SNAPC2: variants seen among roughly 807,000 people sequenced by gnomAD.
SNAPC2 encodes the protein snRNA-activating protein complex subunit 2.
A neutral mutation model predicts 22.9 loss-of-function variants in SNAPC2; 27 were observed. The ratio of observed to expected loss-of-function variants is 1.18; its 90% CI spans 0.87 to 1.63. The LOEUF (loss-of-function observed/expected upper bound fraction) is 1.63, where lower values mean the gene tolerates loss of function less well. SNAPC2 is among the 40% of genes most tolerant of loss of function. The pLI is 0.00. For synonymous variants in SNAPC2, 272 were observed against 201.0 expected, an observed-to-expected ratio of 1.35 and a Z score of -2.99; for missense variants, 570 against 449.1, an observed-to-expected ratio of 1.27 and a Z score of -2.43.
At chr19:7,921,397 C>G (rs1426621263) in intron 1 of SNAPC2, 26 bp from the exon 2 acceptor site, 1 of 1,613,730 alleles carries the variant, frequency 6.2e-7, no homozygotes, top group Non-Finnish European at 8.5e-7. Context: ...ATAGAAGCCT[C>G]ATTCCGCCGC....
chr19:7,920,958 GA>G, intron 1 of SNAPC2: 1 of 1,111,688 alleles, frequency 9.0e-7, no homozygotes, highest in Non-Finnish European at 1.1e-6. Context: ...TAAGGCGTGG[GA>G]GGGGCGTGGG....
Position 7,921,701 on chromosome 19 carries a change from T to A in SNAPC2, c.304-4T>A. The A allele has an allele frequency of 6.2e-7, 1 of 1,613,574 alleles. No individual in the cohort carries two copies. Among genetic ancestry groups the A allele is most frequent in the South Asian group, 1.1e-5 (1 of 90,950 alleles). On this transcript the variant is annotated splice_polypyrimidine_tract_variant and splice_region_variant and intron_variant, in intron 2 of 4. Transcript: ENST00000221573. ...GCTGACCCTGTACCTCTGGCTTCACTCAGGTCTGGACGGATCTGGCTGAGA... is the reference window on the plus strand; with the variant it reads ...GCTGACCCTGTACCTCTGGCTTCACACAGGTCTGGACGGATCTGGCTGAGA...
rs779844871 is a variant in SNAPC2, at chr19:7,922,477, C to T, written c.718C>T (p.Leu240Phe). ...SAVVLDLLMS[L>F]PEELPLLPCT... Reference sequence around the variant, plus strand: ...TGTGGTCCTCGACCTGCTCATGTCACTTCCAGAGGAGCTGCCACTCCTGCC... The same window carrying T: ...TGTGGTCCTCGACCTGCTCATGTCATTTCCAGAGGAGCTGCCACTCCTGCC... Residue 240 changes from leucine to phenylalanine, a missense_variant, in exon 5 of 5, where the codon CTT (leucine) becomes TTT (phenylalanine). Coordinates refer to ENST00000221573, the MANE Select transcript of SNAPC2 (RefSeq NM_003083.4). 5.0e-6 allele frequency: 8 copies of T among 1,599,942 alleles called. No homozygotes were observed. The South Asian group carries it at 6.7e-5, about 13-fold the overall frequency.
At chr19:7,921,154 G>A in intron 1 of SNAPC2, 1 of 1,384,506 alleles carries the variant, frequency 7.2e-7, no homozygotes, top group Non-Finnish European at 9.3e-7. Flanking sequence ...ACGAAGAAGG[G>A]AGTTGAACGG....
intron 1 of SNAPC2, 100 bp downstream of exon 1, chr19:7,920,649 G>A (rs940777767): frequency 4.3e-6 from 3 of 702,010 alleles, no homozygotes; most frequent in African/African-American, 3.9e-5. Flanking sequence ...GGCGGGGCCA[G>A]GAATGTAAGC....
chr19:7,921,685 G>GT lies in SNAPC2; in HGVS notation c.304-19dup. The GT allele has an allele frequency of 6.2e-7, 1 of 1,613,248 alleles. No individual in the cohort carries two copies. The highest frequency in any genetic ancestry group is 1.1e-5 in the South Asian group (1 of 90,890). On this transcript the variant is annotated intron_variant, in intron 2 of 4. Coordinates refer to ENST00000221573, the MANE Select transcript of SNAPC2 (RefSeq NM_003083.4). Reference sequence around the variant, plus strand: ...GCAGGCTGATCCCTGGGCTGACCCTGTACCTCTGGCTTCACTCAGGTCTGG... The same window carrying GT: ...GCAGGCTGATCCCTGGGCTGACCCTGTTACCTCTGGCTTCACTCAGGTCTGG...
chr19:7,921,053 G>A (rs889065178), intron 1 of SNAPC2: 1 of 1,178,764 alleles, frequency 8.5e-7, no homozygotes, highest in East Asian at 5.4e-5. Context: ...GGAATGAACT[G>A]GGAGTAAGAT....
At position 7,922,114 on chromosome 19, in the gene SNAPC2, C is replaced by T. The variant is rs145914511; in HGVS notation, c.452C>T (p.Pro151Leu). The T allele has an allele frequency of 3.4e-5, 55 of 1,613,930 alleles. No homozygotes were observed. In the Middle Eastern group the frequency reaches 4.9e-4, roughly 14 times the overall value. The change falls in exon 4 of 5, where the codon CCT becomes CTT. Residue 151 changes from proline (P) to leucine (L), a missense_variant. Transcript: ENST00000221573. ...PPKPTQARGKPLLLSAPGGQE... is the reference protein window; with the variant it reads ...PPKPTQARGKLLLLSAPGGQE... ...AAGCCCACGCAGGCCCGTGGAAAGC[C>T]TTTGCTCCTGAGCGCCCCTGGAGGA...
rs2303698 is a variant in SNAPC2 at position 7,921,712 on chromosome 19, C to T, written c.311C>T (p.Thr104Met). Reference protein sequence around the residue: ...AQPPAPIEVWTDLAEKITGPL... With the variant: ...AQPPAPIEVWMDLAEKITGPL... ...ACCTCTGGCTTCACTCAGGTCTGGA[C>T]GGATCTGGCTGAGAAGATAACAGGG... is the stretch of plus-strand genomic sequence containing the variant. The change falls in exon 3 of 5, where the codon ACG becomes ATG. Residue 104 changes from threonine (T) to methionine (M), a missense_variant. Thr to Met is a moderately conservative substitution (Grantham distance 81). Transcript: ENST00000221573. 12 of 1,613,656 alleles carry T rather than the reference C, an allele frequency of 7.4e-6. No individual in the cohort carries two copies. In the East Asian group the frequency reaches 1.3e-4, roughly 18 times the overall value.
chr19:7,921,396 T>G (rs772865347), intron 1 of SNAPC2, 27 bp from the exon 2 acceptor site: 51 of 1,613,538 alleles, frequency 3.2e-5, no homozygotes, highest in Non-Finnish European at 4.2e-5. Flanking sequence ...CATAGAAGCC[T>G]CATTCCGCCG....
intron 2 of SNAPC2, 35 bp downstream of exon 2, chr19:7,921,577 C>T (rs1983573177): frequency 6.2e-7 from 1 of 1,604,662 alleles, no homozygotes; most frequent in African/African-American, 1.3e-5. Context: ...CTGTCCAGGG[C>T]AGGTCCCTGG....
intron 2 of SNAPC2, 25 bp from the exon 3 acceptor site, chr19:7,921,680 A>G (rs1983577189): frequency 6.2e-7 from 1 of 1,612,890 alleles, no homozygotes; most frequent in East Asian, 2.2e-5. Flanking sequence ...CCCTGGGCTG[A>G]CCCTGTACCT....
chr19:7,921,256 C>T (rs1983559969), intron 1 of SNAPC2, 167 bp from the exon 2 acceptor site: 2 of 1,418,314 alleles, frequency 1.4e-6, no homozygotes, highest in African/African-American at 1.4e-5. Context: ...TGGTCACGCT[C>T]TGGGTGGGGT....
chr19:7,920,621 T>C (rs1599639735), intron 1 of SNAPC2, 72 bp downstream of exon 1: 1 of 401,434 alleles, frequency 2.5e-6, no homozygotes, highest in Non-Finnish European at 3.4e-6. Flanking sequence ...TGGGCGGGGC[T>C]GCGGCAGGAG....
chr19:7,921,701 T>C lies in SNAPC2; in HGVS notation c.304-4T>C. 1 of 1,613,574 alleles carries C rather than the reference T, an allele frequency of 6.2e-7. No homozygotes were observed. Among genetic ancestry groups the C allele is most frequent in the Non-Finnish European group, 8.5e-7 (1 of 1,179,790 alleles). ...GCTGACCCTGTACCTCTGGCTTCAC[T>C]CAGGTCTGGACGGATCTGGCTGAGA... On this transcript the variant is annotated splice_polypyrimidine_tract_variant and splice_region_variant and intron_variant, in intron 2 of 4. Transcript: ENST00000221573.
chr19:7,921,270 G>A (rs768898179), intron 1 of SNAPC2, 153 bp from the exon 2 acceptor site: 10 of 1,443,800 alleles, frequency 6.9e-6, no homozygotes, highest in South Asian at 1.3e-5. Context: ...GTGGGGTAGG[G>A]GCCTTGGCAG....
rs745445959 is a variant in SNAPC2, at chr19:7,922,765, G to T, written c.*1G>T. Reference sequence around the variant, plus strand: ...TCGGGCAGCCACCCCTGCCAGGTGAGGGGCATGGCGGGCAGGAGGCCACAC... The same window carrying T: ...TCGGGCAGCCACCCCTGCCAGGTGATGGGCATGGCGGGCAGGAGGCCACAC... On this transcript the variant is annotated 3_prime_UTR_variant, in exon 5 of 5. Transcript: ENST00000221573. 3.8e-6 allele frequency: 6 copies of T among 1,572,220 alleles called. No individual in the cohort carries two copies. In the South Asian group the frequency reaches 5.7e-5, roughly 15 times the overall value.
chr19:7,921,737 GC>G lies in SNAPC2; in HGVS notation c.338del (p.Pro113HisfsTer42), dbSNP rs1164000630. 13 of 1,613,718 alleles carry G rather than the reference GC, an allele frequency of 8.1e-6. No individual in the cohort carries two copies. Among genetic ancestry groups the G allele is most frequent in the Non-Finnish European group, 1.1e-5 (13 of 1,179,816 alleles). On this transcript the variant is annotated frameshift_variant, in exon 3 of 5. Coordinates refer to ENST00000221573, the MANE Select transcript of SNAPC2 (RefSeq NM_003083.4). LOFTEE classifies it high-confidence loss of function. ...WTDLAEKITG[P>X]LEEALAVAFS... is the part of the protein sequence containing the mutation. ...CGGATCTGGCTGAGAAGATAACAGG[GC>G]CACTGGAAGAAGCCCTGGCAGTGGC...
rs567106123 is a variant in SNAPC2, at chr19:7,922,544, G to A, written c.785G>A (p.Arg262His). 9.3e-6 allele frequency: 15 copies of A among 1,612,994 alleles called. No individual in the cohort carries two copies. In the African/African-American group the frequency reaches 1.1e-4, roughly 11 times the overall value. ...GAGCATATGACGGAGACGTACCTAC[G>A]CCTGACAGCCCCCCAGCCCATTCCC... Reference protein sequence around the residue: ...LVEHMTETYLRLTAPQPIPAG... With the variant: ...LVEHMTETYLHLTAPQPIPAG... Residue 262 changes from arginine to histidine, a missense_variant, in exon 5 of 5, where the codon CGC becomes CAC. Coordinates refer to ENST00000221573, the MANE Select transcript of SNAPC2 (RefSeq NM_003083.4).
Sources: gnomAD v4.1 joint callset for allele counts on GRCh38, gnomAD v4.1.1 for gene constraint, MANE v1.5 for transcripts, NCBI Gene and HGNC (gene_info 2026-07-23, HGNC 2026-07-21) for gene names.